The following MGMT variants were observed in gnomAD, a reference collection of about 807,000 sequenced individuals.
MGMT encodes O-6-methylguanine-DNA methyltransferase, also known as methylated-DNA--protein-cysteine methyltransferase.
A neutral mutation model predicts 15.9 loss-of-function variants in MGMT; 14 were observed. The ratio of observed to expected loss-of-function variants is 0.88; its 90% CI spans 0.58 to 1.37. MGMT has a LOEUF of 1.37. Among genes scored for constraint, MGMT ranks in the 40% most tolerant of loss-of-function variants. The pLI is 0.00. For synonymous variants in MGMT, 130 were observed against 118.2 expected (o/e 1.10, Z -0.65); for missense variants, 282 against 268.1 (o/e 1.05, Z -0.36).
chr10:129,734,439 T>A (rs1238406927), intron 3 of MGMT, among the ~76,000 whole-genome samples: 4 of 150,658 alleles, frequency 2.7e-5, no homozygotes, highest in South Asian at 4.2e-4. Context: ...GAAGTTGCTT[T>A]TCAGCTTAAG....
At chr10:129,509,594 G>C (rs1845660540) in intron 1 of MGMT, among the ~76,000 whole-genome samples, 1 of 152,200 alleles carries the variant, frequency 6.6e-6, no homozygotes, top group African/African-American at 2.4e-5. Flanking sequence ...TTCTACTCTA[G>C]GATGACTAAG....
chr10:129,558,433 T>C (rs1846239852), intron 2 of MGMT, among the ~76,000 whole-genome samples: 3 of 152,228 alleles, frequency 2.0e-5, no homozygotes. Context: ...CAATATTTTA[T>C]GGCCTTTCTT....
intron 2 of MGMT, among the ~76,000 whole-genome samples, chr10:129,561,913 C>T (rs938875299): frequency 3.9e-5 from 6 of 152,160 alleles, no homozygotes; most frequent in Non-Finnish European, 8.8e-5. Context: ...TTAGCCACGT[C>T]GTTGACTCCA....
intron 3 of MGMT, among the ~76,000 whole-genome samples, chr10:129,737,867 A>G (rs1468217462): frequency 5.3e-5 from 8 of 152,206 alleles, no homozygotes; most frequent in South Asian, 2.1e-4. Flanking sequence ...AGGCTGCTTG[A>G]GGGTCAGGGG....
intron 2 of MGMT, among the ~76,000 whole-genome samples, chr10:129,578,108 T>G (rs530458167): frequency 1.3e-5 from 2 of 152,320 alleles, no homozygotes; most frequent in South Asian, 4.1e-4. Flanking sequence ...GTTCAACCAT[T>G]GTGGAAATCA....
At chr10:129,646,646 C>T (rs1847392123) in intron 2 of MGMT, among the ~76,000 whole-genome samples, 1 of 148,958 alleles carries the variant, frequency 6.7e-6, no homozygotes, top group Non-Finnish European at 1.5e-5. Flanking sequence ...GTGGCATCCT[C>T]ACTGGTCTTA....
chr10:129,728,418 G>A (rs912938781), intron 3 of MGMT, among the ~76,000 whole-genome samples: 18 of 152,286 alleles, frequency 1.2e-4, no homozygotes, highest in African/African-American at 4.3e-4. Flanking sequence ...AAGGGGCCAA[G>A]GGGGCGGACC....
intron 3 of MGMT, among the ~76,000 whole-genome samples, chr10:129,710,823 G>A (rs1413600837): frequency 3.3e-5 from 5 of 152,158 alleles, no homozygotes; most frequent in African/African-American, 1.2e-4. Flanking sequence ...TGAGAGGAGC[G>A]GGTCCATTGT....
intron 2 of MGMT, among the ~76,000 whole-genome samples, chr10:129,690,855 G>A (rs948780941): frequency 1.2e-4 from 18 of 152,178 alleles, no homozygotes; most frequent in Non-Finnish European, 2.6e-4. Flanking sequence ...AGCACTGGAT[G>A]CAGAGTTTGG....
chr10:129,681,545 G>T (rs766281522), intron 2 of MGMT, among the ~76,000 whole-genome samples: 1 of 152,166 alleles, frequency 6.6e-6, no homozygotes, highest in Non-Finnish European at 1.5e-5. Context: ...AAAAGGTCTT[G>T]TAAAAAGAGA....
chr10:129,487,235 A>G (rs975920165), intron 1 of MGMT, among the ~76,000 whole-genome samples: 10 of 152,144 alleles, frequency 6.6e-5, no homozygotes, highest in African/African-American at 1.9e-4. Flanking sequence ...ACATGAGCAT[A>G]CAGAATGGAA....
intron 1 of MGMT, among the ~76,000 whole-genome samples, chr10:129,470,179 A>C (rs11812668): frequency 0.075 from 11,363 of 152,038 alleles, 1,080 homozygotes; most frequent in African/African-American, 0.22. Flanking sequence ...TATGGGAGGG[A>C]GGAGGTTTGA....
chr10:129,625,846 T>G (rs950325122), intron 2 of MGMT, among the ~76,000 whole-genome samples: 19 of 152,230 alleles, frequency 1.2e-4, no homozygotes, highest in African/African-American at 4.6e-4. Context: ...TTTCAAGTGC[T>G]CTACCTTCAA....
chr10:129,723,389 T>C (rs1848396018), intron 3 of MGMT, among the ~76,000 whole-genome samples: 1 of 152,170 alleles, frequency 6.6e-6, no homozygotes, highest in Admixed American at 6.5e-5. Context: ...CACCATGACC[T>C]TGACCTCACA....
intron 3 of MGMT, among the ~76,000 whole-genome samples, chr10:129,742,232 A>C (rs552196552): frequency 6.6e-6 from 1 of 152,216 alleles, no homozygotes; most frequent in East Asian, 1.9e-4. Context: ...GTGTGGGAGG[A>C]GCCAGAAACT....
intron 1 of MGMT, among the ~76,000 whole-genome samples, chr10:129,511,715 A>C (rs7087541): frequency 0.44 from 66,715 of 152,050 alleles, 15,478 homozygotes; most frequent in East Asian, 0.63. Context: ...TACTAAGGGC[A>C]GAGCTCTGAA....
At chr10:129,738,642 C>G (rs1848594457) in intron 3 of MGMT, among the ~76,000 whole-genome samples, 1 of 152,194 alleles carries the variant, frequency 6.6e-6, no homozygotes. Context: ...CAAGTCTTTG[C>G]TATTGTGAAT....
At chr10:129,638,451 A>AAAAAAG (rs1847290214) in intron 2 of MGMT, among the ~76,000 whole-genome samples, 1 of 149,904 alleles carries the variant, frequency 6.7e-6, no homozygotes, top group Non-Finnish European at 1.5e-5. Context: ...AAAAAGAAAA[A>AAAAAAG]AAAAAGAAAA....
At chr10:129,757,293 G>A (rs1350630027) in intron 3 of MGMT, among the ~76,000 whole-genome samples, 3 of 152,158 alleles carry the variant, frequency 2.0e-5, no homozygotes. Flanking sequence ...CCGTAATTTG[G>A]CAGCAATTTG....
Sources: gnomAD v4.1 joint callset for allele counts (sites outside exome capture counted in the v4.1 genomes callset) on GRCh38, gnomAD v4.1.1 for gene constraint, MANE v1.5 for transcripts, NCBI Gene and HGNC (gene_info 2026-07-23, HGNC 2026-07-21) for gene names.